Variants in CDADC1 observed in about 807,000 individuals in gnomAD.
CDADC1 encodes the protein cytidine and dCMP deaminase domain containing 1, also known as dCTP deaminase.
In CDADC1, 39 loss-of-function variants were observed where a neutral mutation model predicts 54.9. The ratio of observed to expected loss-of-function variants is 0.71; its 90% CI spans 0.55 to 0.93. The LOEUF (loss-of-function observed/expected upper bound fraction) is 0.93. Among genes scored for constraint, CDADC1 ranks in the 40% least tolerant of loss-of-function variants. CDADC1 has a pLI of 0.00. For missense variants in CDADC1, 518 were observed against 618.8 expected (o/e 0.84, Z 1.73); for synonymous variants, 186 against 204.0 (o/e 0.91, Z 0.75).
Position 49,268,042 on chromosome 13 carries a change from T to G in CDADC1, c.983T>G (p.Leu328Ter). 6.2e-7 allele frequency: 1 copy of G among 1,610,810 alleles called. No homozygotes were observed. The highest frequency in any genetic ancestry group is 8.5e-7 in the Non-Finnish European group (1 of 1,178,946). The change falls in exon 5 of 10, where the codon TTA becomes TGA. Residue 328 changes from leucine (L) to a stop codon, truncating the protein, a stop_gained. Transcript: ENST00000251108. LOFTEE classifies it high-confidence loss of function. ...IARHCMVQAR[L>*]LAYRTEDHKT... Reference sequence around the variant, plus strand: ...AGGCACTGCATGGTTCAGGCCAGGTTATTGGCATATCGAACTGGTGAGTTA... The same window carrying G: ...AGGCACTGCATGGTTCAGGCCAGGTGATTGGCATATCGAACTGGTGAGTTA...
At chr13:49,262,217 T>G (rs1952702614) in intron 4 of CDADC1, among the ~76,000 whole-genome samples, 2 of 152,024 alleles carry the variant, frequency 1.3e-5, no homozygotes, top group Non-Finnish European at 2.9e-5. Flanking sequence ...CTGAGGCAAG[T>G]GGATTGCTTG....
chr13:49,290,719 C>A (rs1053166676), intron 9 of CDADC1, among the ~76,000 whole-genome samples: 1 of 152,058 alleles, frequency 6.6e-6, no homozygotes, highest in Non-Finnish European at 1.5e-5. Flanking sequence ...CAAAATGGCT[C>A]CTTCCTGTGA....
chr13:49,252,773 A>T (rs1227786951), intron 2 of CDADC1, among the ~76,000 whole-genome samples: 2 of 152,206 alleles, frequency 1.3e-5, no homozygotes, highest in African/African-American at 4.8e-5. Context: ...TAGCAGGAAC[A>T]CAATTTTGTA....
intron 5 of CDADC1, 58 bp downstream of exon 5, chr13:49,268,117 G>A (rs1302881401): frequency 1.5e-6 from 2 of 1,315,836 alleles, no homozygotes; most frequent in African/African-American, 2.9e-5. Context: ...TGTCTCTGAA[G>A]TGTTCGTCTC....
Position 49,285,622 on chromosome 13 carries a change from G to A in CDADC1, c.1411-600G>A, listed in dbSNP as rs960656867. Among the ~76,000 whole-genome samples, 30 of 152,086 alleles carry A rather than the reference G, an allele frequency of 2.0e-4. 1 individual carries two copies. The highest frequency in any genetic ancestry group is 4.0e-4 in the Non-Finnish European group (27 of 67,996). The stretch of plus-strand genomic sequence containing the variant: ...TTCTATTGCCTCCTGTAGTTAGGGT[G>A]TAACCTGAGACAAGTCACTCCAATC... On this transcript the variant is annotated intron_variant, in intron 8 of 9. Transcript: ENST00000251108.
chr13:49,278,512 A>T lies in CDADC1; in HGVS notation c.1213A>T (p.Thr405Ser). 6.6e-7 allele frequency: 1 copy of T among 1,515,346 alleles called. No homozygotes were observed. The highest frequency in any genetic ancestry group is 1.3e-5 in the South Asian group (1 of 77,594). The allele number at this position is 1,515,346 out of a possible 1,614,324, so 93.9% of individuals were successfully genotyped here. ...YIIHAEQNAL[T>S]FRCQEIKPEE... ...CATACATGCGGAACAGAATGCCTTG[A>T]CATTTAGGTATGAAATCCTTCTTGG... The change falls in exon 7 of 10, where the codon ACA (threonine) becomes TCA (serine). Residue 405 changes from threonine (T) to serine (S), a missense_variant. By Grantham distance (58) the Thr-to-Ser change is moderately conservative. Coordinates refer to ENST00000251108, the MANE Select transcript of CDADC1 (RefSeq NM_030911.4).
intron 5 of CDADC1, among the ~76,000 whole-genome samples, chr13:49,268,658 C>CT (rs1031053887): frequency 2.6e-5 from 4 of 152,036 alleles, no homozygotes; most frequent in African/African-American, 9.7e-5. Flanking sequence ...CAGCAAGACT[C>CT]TATCTCCAAA....
intron 4 of CDADC1, among the ~76,000 whole-genome samples, chr13:49,265,616 A>G (rs1186967461): frequency 6.6e-6 from 1 of 152,054 alleles, no homozygotes; most frequent in Non-Finnish European, 1.5e-5. Flanking sequence ...TTTTTTCATA[A>G]AGCTAATGTT....
At chr13:49,268,514 G>T (rs1338145095) in intron 5 of CDADC1, among the ~76,000 whole-genome samples, 4 of 152,008 alleles carry the variant, frequency 2.6e-5, no homozygotes, top group African/African-American at 9.7e-5. Context: ...AATTAGCTGG[G>T]CATGGTGGTG....
At chr13:49,255,440 T>G (rs1410169133) in intron 2 of CDADC1, among the ~76,000 whole-genome samples, 1 of 152,204 alleles carries the variant, frequency 6.6e-6, no homozygotes, top group Non-Finnish European at 1.5e-5. Flanking sequence ...CCTACCACAA[T>G]CCCGATCTAA....
At chr13:49,285,645 A>G (rs1410842944) in intron 8 of CDADC1, among the ~76,000 whole-genome samples, 1 of 152,090 alleles carries the variant, frequency 6.6e-6, no homozygotes, top group Non-Finnish European at 1.5e-5. Flanking sequence ...AGTCACTCCA[A>G]TCCTCTGGTC....
chr13:49,278,108 CA>C (rs1953199774), intron 6 of CDADC1, among the ~76,000 whole-genome samples: 1 of 152,014 alleles, frequency 6.6e-6, no homozygotes, highest in South Asian at 2.1e-4. Flanking sequence ...TAATTAATTG[CA>C]AAAAACAAGG....
chr13:49,259,037 A>G (rs1048748297), intron 3 of CDADC1, among the ~76,000 whole-genome samples: 5 of 152,204 alleles, frequency 3.3e-5, no homozygotes, highest in Non-Finnish European at 7.3e-5. Context: ...ATAAGAAACA[A>G]GTCAAATTGA....
intron 8 of CDADC1, among the ~76,000 whole-genome samples, chr13:49,283,086 G>T (rs970328076): frequency 4.6e-5 from 7 of 152,076 alleles, no homozygotes; most frequent in Admixed American, 2.6e-4. Context: ...TGATATAAAA[G>T]AACCGTTTAT....
At chr13:49,276,974 C>T (rs1158099102) in intron 6 of CDADC1, among the ~76,000 whole-genome samples, 1 of 152,084 alleles carries the variant, frequency 6.6e-6, no homozygotes, top group Non-Finnish European at 1.5e-5. Context: ...TAGAGTAGGC[C>T]AGCAGGCAGC....
intron 9 of CDADC1, 128 bp downstream of exon 9, chr13:49,286,410 C>A: frequency 1.5e-6 from 1 of 686,184 alleles, no homozygotes; most frequent in Non-Finnish European, 2.5e-6. Context: ...TAGATTTTTG[C>A]CATTCAATTT....
At chr13:49,253,675 G>T (rs958441147) in intron 2 of CDADC1, among the ~76,000 whole-genome samples, 4 of 151,932 alleles carry the variant, frequency 2.6e-5, no homozygotes, top group Non-Finnish European at 5.9e-5. Context: ...CTATGTGTTT[G>T]TTGTTGTTGT....
chr13:49,256,185 C>T (rs367652913), intron 3 of CDADC1, among the ~76,000 whole-genome samples: 1 of 151,822 alleles, frequency 6.6e-6, no homozygotes, highest in Non-Finnish European at 1.5e-5. Context: ...AATACTCTCC[C>T]TTAGTTCTCT....
At chr13:49,291,168 TGG>T (rs1491164087) in intron 9 of CDADC1, among the ~76,000 whole-genome samples, 25 of 54,770 alleles carry the variant, frequency 4.6e-4, no homozygotes, top group African/African-American at 1.1e-3. Flanking sequence ...ATTCAGTTTT[TGG>T]TTTTTTTTTT....
Sources: gnomAD v4.1 joint callset for allele counts (sites outside exome capture counted in the v4.1 genomes callset) on GRCh38, gnomAD v4.1.1 for gene constraint, MANE v1.5 for transcripts, NCBI Gene and HGNC (gene_info 2026-07-23, HGNC 2026-07-21) for gene names.